Variants in SLC7A14 observed in about 807,000 individuals in gnomAD.
The protein encoded by SLC7A14 is gamma-aminobutyric acid transporter SLC7A14.
In SLC7A14, 37 loss-of-function variants were observed where a neutral mutation model predicts 60.2. The observed-to-expected ratio is 0.61, with a 90% CI of 0.47 to 0.81. The LOEUF is 0.81. Ranked by LOEUF, SLC7A14 falls within the 30% of genes least tolerant of loss-of-function variation. SLC7A14 has a pLI of 0.00. For missense variants in SLC7A14, 886 were observed against 982.7 expected (o/e 0.90, Z 1.32); for synonymous variants, 399 against 395.8 (o/e 1.01, Z -0.10).
intron 2 of SLC7A14, among the ~76,000 whole-genome samples, chr3:170,525,035 G>GTAA (rs1179950350): frequency 6.6e-6 from 1 of 152,204 alleles, no homozygotes; most frequent in African/African-American, 2.4e-5. Context: ...TGATATTAAT[G>GTAA]TAATGCTTTT....
At chr3:170,563,354 C>T (rs927998705) in intron 1 of SLC7A14, among the ~76,000 whole-genome samples, 1 of 151,592 alleles carries the variant, frequency 6.6e-6, no homozygotes, top group African/African-American at 2.4e-5. Flanking sequence ...ATTTATATTG[C>T]TGGGCCTCCT....
Position 170,464,886 on chromosome 3 carries a change from C to T in SLC7A14, c.*2169G>A, listed in dbSNP as rs1353660369. On this transcript the variant is annotated 3_prime_UTR_variant, in exon 8 of 8. Transcript: ENST00000231706. ...CTATTCTCATGCTTAATGAATACAA[C>T]CCCTCCTCATCTATCTAGATATGTA... 6.6e-6 allele frequency: 1 copy of T among 152,234 alleles called. No individual in the cohort carries two copies. 9.4% of individuals were successfully genotyped at this position (152,234 alleles called of 1,614,324 possible).
intron 1 of SLC7A14, among the ~76,000 whole-genome samples, chr3:170,547,368 G>C (rs1413970106): frequency 6.6e-6 from 1 of 152,178 alleles, no homozygotes; most frequent in Non-Finnish European, 1.5e-5. Flanking sequence ...CCTAAAATCT[G>C]CATATAACTT....
intron 1 of SLC7A14, among the ~76,000 whole-genome samples, chr3:170,529,565 C>T (rs1210315517): frequency 6.6e-6 from 1 of 152,060 alleles, no homozygotes; most frequent in Non-Finnish European, 1.5e-5. Context: ...ATGGTGCTGA[C>T]GTTTGGTGAA....
chr3:170,468,504 C>T (rs566976463), intron 7 of SLC7A14, among the ~76,000 whole-genome samples: 47 of 152,234 alleles, frequency 3.1e-4, no homozygotes, highest in Admixed American at 1.3e-3. Context: ...CCATGTTGCC[C>T]AGGCTGGTCT....
intron 1 of SLC7A14, 65 bp from the exon 2 acceptor site, chr3:170,527,153 G>A (rs902517287): frequency 1.0e-5 from 6 of 588,564 alleles, no homozygotes; most frequent in Non-Finnish European, 1.8e-5. Context: ...GACTTGCGGG[G>A]ATGGTTGGAG....
intron 1 of SLC7A14, chr3:170,569,974 T>C (rs1393884811): frequency 6.6e-6 from 1 of 152,194 alleles, no homozygotes; most frequent in Non-Finnish European, 1.5e-5. Context: ...CCTGGATTCA[T>C]TAATTTTTTG....
intron 2 of SLC7A14, 90 bp downstream of exon 2, chr3:170,526,543 C>A: frequency 1.3e-6 from 2 of 1,485,892 alleles, no homozygotes; most frequent in Admixed American, 1.8e-5. Flanking sequence ...TCATACATCT[C>A]ACCACTAAAT....
intron 1 of SLC7A14, among the ~76,000 whole-genome samples, chr3:170,540,182 T>A (rs905770967): frequency 6.6e-6 from 1 of 152,156 alleles, no homozygotes; most frequent in Non-Finnish European, 1.5e-5. Context: ...TTAAAACTTA[T>A]GAGTTGTTTG....
At position 170,585,367 on chromosome 3, in the gene SLC7A14, C is replaced by T. The variant is rs1047040857; in HGVS notation, c.-153+544G>A. On this transcript the variant is annotated intron_variant, in intron 1 of 7. Transcript: ENST00000231706. The surrounding 1 kb of genome is among the most constrained non-coding windows in gnomAD (Gnocchi z 5.1). ...GGGGTGCTGGGCTCGGCGGGAGTCC[C>T]TTTGAGGAGTTTGCTCCCAGGTAAA... Among the ~76,000 whole-genome samples the T allele has an allele frequency of 6.6e-6, 1 of 152,180 alleles. No homozygotes were observed. Among genetic ancestry groups the T allele is most frequent in the Non-Finnish European group, 1.5e-5 (1 of 68,014 alleles).
At chr3:170,536,272 A>G (rs1713837876) in intron 1 of SLC7A14, among the ~76,000 whole-genome samples, 2 of 152,246 alleles carry the variant, frequency 1.3e-5, no homozygotes, top group Admixed American at 1.3e-4. Flanking sequence ...AATATAGCTA[A>G]GAGACCGTAA....
At chr3:170,492,360 C>G (rs1025355516) in intron 4 of SLC7A14, among the ~76,000 whole-genome samples, 1 of 152,164 alleles carries the variant, frequency 6.6e-6, no homozygotes, top group East Asian at 1.9e-4. Flanking sequence ...AAAAAATTAG[C>G]TAGGTGTGGT....
At chr3:170,553,087 C>A (rs1016107430) in intron 1 of SLC7A14, among the ~76,000 whole-genome samples, 4 of 150,916 alleles carry the variant, frequency 2.7e-5, no homozygotes, top group Non-Finnish European at 4.4e-5. Context: ...CCCCAAAGTG[C>A]CTTTTGGGGG....
In SLC7A14 at chr3:170,467,338, G is replaced by T; in HGVS notation, c.2033C>A (p.Thr678Asn). The change falls in exon 8 of 8, where the codon ACC becomes AAC. Residue 678 changes from threonine (T) to asparagine (N), a missense_variant. Thr to Asn is a moderately conservative substitution (Grantham distance 65). Transcript: ENST00000231706. The stretch of plus-strand genomic sequence containing the variant: ...CTCTTCTCGAGCGCTGATTTCCAGG[G>T]TGCTGTTCCAGATGCCATATCCAAA... ...IYFGYGIWNS[T>N]LEISAREEAL... The T allele has an allele frequency of 6.2e-7, 1 of 1,610,822 alleles. No homozygotes were observed. The highest frequency in any genetic ancestry group is 8.5e-7 in the Non-Finnish European group (1 of 1,178,204).
chr3:170,562,603 G>A (rs1560281368), intron 1 of SLC7A14, among the ~76,000 whole-genome samples: 2 of 151,832 alleles, frequency 1.3e-5, no homozygotes, highest in Non-Finnish European at 2.9e-5. Flanking sequence ...ACTTACTTGT[G>A]TACTCATACC....
chr3:170,561,252 T>C (rs1157543002), intron 1 of SLC7A14, among the ~76,000 whole-genome samples: 1 of 152,226 alleles, frequency 6.6e-6, no homozygotes, highest in Non-Finnish European at 1.5e-5. Flanking sequence ...TCAGGATTAA[T>C]ACAGAGCCTA....
chr3:170,530,127 A>T (rs1713629650), intron 1 of SLC7A14, among the ~76,000 whole-genome samples: 1 of 152,232 alleles, frequency 6.6e-6, no homozygotes, highest in African/African-American at 2.4e-5. Context: ...CCAACACAAT[A>T]CTTTGTTATG....
intron 7 of SLC7A14, among the ~76,000 whole-genome samples, chr3:170,479,896 T>C (rs1711751154): frequency 6.6e-6 from 1 of 152,194 alleles, no homozygotes; most frequent in African/African-American, 2.4e-5. Flanking sequence ...TAAGATAGTT[T>C]TTCATTTTAC....
At chr3:170,526,200 G>A (rs1577537258) in intron 2 of SLC7A14, among the ~76,000 whole-genome samples, 1 of 152,034 alleles carries the variant, frequency 6.6e-6, no homozygotes, top group Non-Finnish European at 1.5e-5. Context: ...TCAGGAGTTT[G>A]AGACCAGTCT....
Sources: allele counts gnomAD v4.1 joint callset (sites outside exome capture counted in the v4.1 genomes callset), GRCh38; gene constraint gnomAD v4.1.1; non-coding constraint Gnocchi (gnomAD v3.1); transcripts MANE v1.5; gene names NCBI Gene and HGNC (gene_info 2026-07-23, HGNC 2026-07-21).